The following FOCAD variants were observed in gnomAD, a reference collection of about 807,000 sequenced individuals.
FOCAD encodes KIAA1797.
FOCAD carries 198 observed loss-of-function variants against 225.6 expected under a neutral mutation model. The observed-to-expected ratio is 0.88, with a 90% CI of 0.78 to 0.99. The LOEUF (loss-of-function observed/expected upper bound fraction) is 0.99. FOCAD is among the 50% of genes least tolerant of loss of function. The pLI is 0.00. For missense variants in FOCAD, 2,713 were observed against 2,123.6 expected (o/e 1.28, Z -5.46); for synonymous variants, 897 against 755.0 (o/e 1.19, Z -3.08).
At position 20,926,431 on chromosome 9, in the gene FOCAD, A is replaced by C. The variant is rs748556782; in HGVS notation, c.3078+14A>C. On this transcript the variant is annotated intron_variant, in intron 26 of 43. Transcript: ENST00000338382. ...TGGTTTTATTATGTAAGTGCAAAAA[A>C]TAAAAAATGATCAGAAAACTCAAGA... 2.7e-6 allele frequency: 4 copies of C among 1,462,682 alleles called. No homozygotes were observed. The highest frequency in any genetic ancestry group is 3.8e-6 in the Non-Finnish European group (4 of 1,043,206). The allele number at this position is 1,462,682 out of a possible 1,614,324, so 90.6% of individuals were successfully genotyped here.
intron 4 of FOCAD, among the ~76,000 whole-genome samples, chr9:20,735,713 G>T (rs1351083319): frequency 6.7e-6 from 1 of 149,760 alleles, no homozygotes; most frequent in African/African-American, 2.5e-5. Flanking sequence ...TTTTGAAACG[G>T]GATCTCTCTA....
At chr9:20,823,226 C>A in intron 15 of FOCAD, 111 bp downstream of exon 15, 1 of 1,219,394 alleles carries the variant, frequency 8.2e-7, no homozygotes, top group Non-Finnish European at 1.1e-6. Context: ...AGTGTTCATT[C>A]CCAGTGAATT....
At chr9:20,928,885 A>T (rs1564165122) in intron 26 of FOCAD, 1 of 152,764 alleles carries the variant, frequency 6.5e-6, no homozygotes, top group African/African-American at 2.4e-5. Flanking sequence ...TCTCCATACT[A>T]AACTTAAACT....
intron 5 of FOCAD, among the ~76,000 whole-genome samples, chr9:20,749,181 A>C (rs1216816991): frequency 1.3e-5 from 2 of 152,224 alleles, no homozygotes; most frequent in African/African-American, 2.4e-5. Flanking sequence ...CTGGCTCTCT[A>C]AAAGGGATTC....
intron 15 of FOCAD, among the ~76,000 whole-genome samples, chr9:20,831,904 C>T (rs975267404): frequency 6.6e-6 from 1 of 152,084 alleles, no homozygotes; most frequent in Non-Finnish European, 1.5e-5. Context: ...TACTTTCCGT[C>T]TGCATAGATA....
At chr9:20,922,853 G>A (rs1258847527) in intron 24 of FOCAD, among the ~76,000 whole-genome samples, 1 of 152,162 alleles carries the variant, frequency 6.6e-6, no homozygotes, top group African/African-American at 2.4e-5. Context: ...TGTCCCATAG[G>A]GGACTTTATA....
intron 10 of FOCAD, among the ~76,000 whole-genome samples, chr9:20,786,455 T>A (rs1819931587): frequency 6.6e-6 from 1 of 152,222 alleles, no homozygotes; most frequent in Non-Finnish European, 1.5e-5. Flanking sequence ...GATATAGTGC[T>A]AGAAAGGCTC....
chr9:20,851,212 T>G (rs990288562), intron 15 of FOCAD, among the ~76,000 whole-genome samples: 2 of 141,060 alleles, frequency 1.4e-5, no homozygotes, highest in African/African-American at 2.7e-5. Flanking sequence ...AGAGTTTTGG[T>G]TTTTTTTTTT....
intron 35 of FOCAD, among the ~76,000 whole-genome samples, chr9:20,963,169 CTT>C (rs1838920853): frequency 6.6e-6 from 1 of 152,134 alleles, no homozygotes; most frequent in Non-Finnish European, 1.5e-5. Flanking sequence ...AATACTGATT[CTT>C]TGCCCTTTTA....
At chr9:20,721,644 G>A (rs1327832665) in intron 4 of FOCAD, among the ~76,000 whole-genome samples, 1 of 152,054 alleles carries the variant, frequency 6.6e-6, no homozygotes, top group Non-Finnish European at 1.5e-5. Context: ...GGAGGTTGCA[G>A]TGAACCGAGA....
intron 18 of FOCAD, among the ~76,000 whole-genome samples, chr9:20,870,173 T>A (rs2131751819): frequency 6.6e-6 from 1 of 152,328 alleles, no homozygotes; most frequent in East Asian, 1.9e-4. Flanking sequence ...TCTTGATTTC[T>A]AGGGTTAATT....
chr9:20,842,058 T>C (rs1329528459), intron 15 of FOCAD, among the ~76,000 whole-genome samples: 1 of 152,030 alleles, frequency 6.6e-6, no homozygotes, highest in Non-Finnish European at 1.5e-5. Flanking sequence ...GTTTGTATAG[T>C]TTCCAAAGTT....
At chr9:20,714,645 T>TGCCTGCCTGCCG in intron 1 of FOCAD, among the ~76,000 whole-genome samples, 1 of 134,774 alleles carries the variant, frequency 7.4e-6, no homozygotes, top group Non-Finnish European at 1.6e-5. Context: ...CCTTCCTTCC[T>TGCCTGCCTGCCG]TCCTTCCTTC....
intron 8 of FOCAD, among the ~76,000 whole-genome samples, chr9:20,774,581 A>T (rs1331326551): frequency 6.6e-6 from 1 of 152,250 alleles, no homozygotes; most frequent in Non-Finnish European, 1.5e-5. Flanking sequence ...CTAACTTTAA[A>T]AAATATTATG....
At chr9:20,889,821 C>G (rs1361198760) in intron 21 of FOCAD, among the ~76,000 whole-genome samples, 1 of 152,092 alleles carries the variant, frequency 6.6e-6, no homozygotes, top group Non-Finnish European at 1.5e-5. Context: ...TGTAGGTCAA[C>G]TTGAGAGAGG....
intron 26 of FOCAD, among the ~76,000 whole-genome samples, chr9:20,927,515 ATGT>A (rs1383242358): frequency 6.6e-6 from 1 of 151,784 alleles, no homozygotes; most frequent in South Asian, 2.1e-4. Context: ...ATACAAAGTA[ATGT>A]TGTTGATCAT....
chr9:20,845,026 C>G (rs1160588111), intron 15 of FOCAD, among the ~76,000 whole-genome samples: 1 of 152,010 alleles, frequency 6.6e-6, no homozygotes, highest in East Asian at 1.9e-4. Context: ...CTTTCGTAAT[C>G]TCTAGTCCTA....
intron 6 of FOCAD, among the ~76,000 whole-genome samples, chr9:20,759,178 A>T (rs1829336949): frequency 6.6e-6 from 1 of 152,222 alleles, no homozygotes; most frequent in Non-Finnish European, 1.5e-5. Flanking sequence ...ATATCATGAA[A>T]ATGGCCATAC....
At chr9:20,964,596 C>T (rs28616775) in intron 35 of FOCAD, among the ~76,000 whole-genome samples, 1,698 of 151,758 alleles carry the variant, frequency 0.011, 40 homozygotes, top group African/African-American at 0.039. Context: ...AGGGCAGTGG[C>T]GTGATCTTGG....
Sources: gnomAD v4.1 joint callset for allele counts (sites outside exome capture counted in the v4.1 genomes callset) on GRCh38, gnomAD v4.1.1 for gene constraint, MANE v1.5 for transcripts, NCBI Gene and HGNC (gene_info 2026-07-23, HGNC 2026-07-21) for gene names.